ASIC2: variants seen among roughly 807,000 people sequenced by gnomAD.
ASIC2 encodes acid-sensing ion channel 2.
In ASIC2, 25 loss-of-function variants were observed where a neutral mutation model predicts 57.3. That is an observed-to-expected ratio of 0.44 (90% CI 0.32 to 0.61). The LOEUF (loss-of-function observed/expected upper bound fraction) is 0.61. Ranked by LOEUF, ASIC2 falls within the 20% of genes least tolerant of loss-of-function variation. The pLI is 0.06. For synonymous variants in ASIC2, 319 were observed against 307.5 expected (o/e 1.04, Z -0.39); for missense variants, 641 against 738.1 (o/e 0.87, Z 1.52).
At chr17:33,641,878 T>C (rs1006328966) in intron 1 of ASIC2, among the ~76,000 whole-genome samples, 6 of 152,324 alleles carry the variant, frequency 3.9e-5, no homozygotes, top group Admixed American at 6.5e-5. Context: ...ATAATGGGCA[T>C]ATTAACAGGC....
At chr17:33,311,589 C>T (rs1205769174) in intron 1 of ASIC2, among the ~76,000 whole-genome samples, 2 of 152,106 alleles carry the variant, frequency 1.3e-5, no homozygotes, top group African/African-American at 2.4e-5. Context: ...CTGCTAGGAG[C>T]TGAGACTCTA....
intron 1 of ASIC2, among the ~76,000 whole-genome samples, chr17:33,585,532 T>G (rs1904595288): frequency 6.6e-6 from 1 of 152,144 alleles, no homozygotes; most frequent in African/African-American, 2.4e-5. Flanking sequence ...GAAAGGACTG[T>G]TTTTGTGATT....
At chr17:33,371,700 T>G (rs1373061543) in intron 1 of ASIC2, among the ~76,000 whole-genome samples, 1 of 152,210 alleles carries the variant, frequency 6.6e-6, no homozygotes, top group Non-Finnish European at 1.5e-5. Flanking sequence ...TTTGGGATTT[T>G]TTTTTTTAAC....
intron 1 of ASIC2, among the ~76,000 whole-genome samples, chr17:33,502,784 T>C (rs1007604516): frequency 1.3e-5 from 2 of 152,210 alleles, no homozygotes; most frequent in Non-Finnish European, 2.9e-5. Flanking sequence ...TTTCCTTCGA[T>C]AACTTTTAAA....
chr17:33,658,676 C>T (rs1246506118), intron 1 of ASIC2, among the ~76,000 whole-genome samples: 2 of 152,114 alleles, frequency 1.3e-5, no homozygotes, highest in Non-Finnish European at 2.9e-5. Flanking sequence ...GTGCATGCAT[C>T]CCATTCACCT....
At chr17:33,365,031 G>A (rs1404430128) in intron 1 of ASIC2, among the ~76,000 whole-genome samples, 1 of 152,132 alleles carries the variant, frequency 6.6e-6, no homozygotes, top group African/African-American at 2.4e-5. Flanking sequence ...TCTTTAGCAC[G>A]GATATGAGGC....
intron 1 of ASIC2, among the ~76,000 whole-genome samples, chr17:33,358,556 TGATGAGTG>T (rs200905639): frequency 0.011 from 1,610 of 152,290 alleles, 36 homozygotes; most frequent in African/African-American, 0.037. Context: ...AAAGGGAACA[TGATGAGTG>T]CACAATACAT....
At chr17:33,514,058 A>G (rs1488592879) in intron 1 of ASIC2, among the ~76,000 whole-genome samples, 4 of 152,222 alleles carry the variant, frequency 2.6e-5, no homozygotes, top group African/African-American at 4.8e-5. Context: ...GTGGGTAGAC[A>G]TCACTCCCAT....
intron 1 of ASIC2, among the ~76,000 whole-genome samples, chr17:34,020,358 C>T (rs1355560940): frequency 1.3e-5 from 2 of 152,176 alleles, no homozygotes; most frequent in East Asian, 1.9e-4. Context: ...AACTCCAGTT[C>T]AGCTAGCCCT....
chr17:33,603,473 C>T (rs936906331), intron 1 of ASIC2, among the ~76,000 whole-genome samples: 2 of 152,194 alleles, frequency 1.3e-5, no homozygotes, highest in African/African-American at 4.8e-5. Flanking sequence ...GATAGGCTCT[C>T]TTCCTCTGCC....
At chr17:33,025,312 C>T (rs2091854255) in intron 5 of ASIC2, among the ~76,000 whole-genome samples, 1 of 152,192 alleles carries the variant, frequency 6.6e-6, no homozygotes, top group Non-Finnish European at 1.5e-5. Context: ...CCTAGTTTTC[C>T]AGCTGGGGAA....
chr17:33,752,244 G>C (rs1405694986), intron 1 of ASIC2, among the ~76,000 whole-genome samples: 1 of 152,038 alleles, frequency 6.6e-6, no homozygotes, highest in African/African-American at 2.4e-5. Context: ...AGATAAAAAA[G>C]AGTTTCACTT....
Position 34,038,413 on chromosome 17 carries a change from C to T in ASIC2, c.555+117565G>A, listed in dbSNP as rs1044780621. On this transcript the variant is annotated intron_variant, in intron 1 of 9. Coordinates refer to the ASIC2 transcript ENST00000359872. Reference sequence around the variant, plus strand: ...GAATCCGGTATTCCCTACATGCATGCTTGTGGTAATTCTCCTTTTTCTCAT... The same window carrying T: ...GAATCCGGTATTCCCTACATGCATGTTTGTGGTAATTCTCCTTTTTCTCAT... The T allele has an allele frequency of 4.3e-6, 7 of 1,612,034 alleles. No homozygotes were observed. In the African/African-American group the frequency reaches 9.3e-5, roughly 22 times the overall value.
chr17:33,449,802 TCTCA>T (rs1912179600), intron 1 of ASIC2, among the ~76,000 whole-genome samples: 2 of 151,440 alleles, frequency 1.3e-5, no homozygotes, highest in Admixed American at 6.6e-5. Flanking sequence ...TGAGACAGAG[TCTCA>T]CTCTGTCATC....
At chr17:33,914,858 T>A (rs1257885050) in intron 1 of ASIC2, among the ~76,000 whole-genome samples, 1 of 152,230 alleles carries the variant, frequency 6.6e-6, no homozygotes, top group Non-Finnish European at 1.5e-5. Context: ...GCTTACGAAG[T>A]AGTCACAGTT....
chr17:33,791,036 G>C (rs1911754390), intron 1 of ASIC2, among the ~76,000 whole-genome samples: 1 of 152,158 alleles, frequency 6.6e-6, no homozygotes, highest in African/African-American at 2.4e-5. Context: ...CTGTGCCCTG[G>C]ACTAGCCCAG....
chr17:33,178,260 A>G (rs563557074), intron 1 of ASIC2, among the ~76,000 whole-genome samples: 24 of 152,332 alleles, frequency 1.6e-4, no homozygotes, highest in Admixed American at 4.6e-4. Context: ...CATAATAAAT[A>G]TATATAACTT....
At chr17:33,985,587 A>G (rs1312447587) in intron 1 of ASIC2, among the ~76,000 whole-genome samples, 2 of 152,246 alleles carry the variant, frequency 1.3e-5, no homozygotes, top group Non-Finnish European at 2.9e-5. Context: ...ATTAAGTTTA[A>G]CGAGTATCTG....
chr17:33,198,694 C>G (rs1906738238), intron 1 of ASIC2, among the ~76,000 whole-genome samples: 1 of 152,202 alleles, frequency 6.6e-6, no homozygotes. Context: ...AAAAAAAGGA[C>G]TCATTCCCTG....
Sources: allele counts gnomAD v4.1 joint callset (sites outside exome capture counted in the v4.1 genomes callset), GRCh38; gene constraint gnomAD v4.1.1; transcripts MANE v1.5; gene names NCBI Gene and HGNC (gene_info 2026-07-23, HGNC 2026-07-21).